The following SLC9A4 variants were observed in gnomAD, a reference collection of about 807,000 sequenced individuals.
SLC9A4 encodes the protein solute carrier family 9 member A4, also known as sodium/hydrogen exchanger 4.
SLC9A4 carries 63 observed loss-of-function variants against 67.4 expected under a neutral mutation model. The ratio of observed to expected loss-of-function variants is 0.93; its 90% CI spans 0.76 to 1.15. The LOEUF is 1.15. Ranked by LOEUF, SLC9A4 falls within the 50% of genes most tolerant of loss-of-function variation. The pLI, the probability that SLC9A4 is intolerant of heterozygous loss-of-function variation, is 0.00. For synonymous variants in SLC9A4, 393 were observed against 367.2 expected (o/e 1.07, Z -0.80); for missense variants, 1,089 against 987.7 (o/e 1.10, Z -1.38).
At chr2:102,474,847 T>C (rs766301705) in intron 1 of SLC9A4, among the ~76,000 whole-genome samples, 1 of 152,238 alleles carries the variant, frequency 6.6e-6, no homozygotes, top group Non-Finnish European at 1.5e-5. Flanking sequence ...GCTATTTGAG[T>C]ATGTAGATTG....
rs199784614 is a variant in SLC9A4 at position 102,532,615 on chromosome 2, C to A, written c.2324C>A (p.Ser775Ter). The change falls in exon 12 of 12, where the codon TCG (serine) becomes TAG (stop). Residue 775 changes from serine to a stop codon, truncating the protein, a stop_gained. Transcript: ENST00000295269. LOFTEE classifies it high-confidence loss of function. ...EGKASLVEVR[S>*]RWTADHGHGR... Reference sequence around the variant, plus strand: ...AAGGCCTCTTTGGTTGAGGTTCGGTCGAGGTGGACAGCTGACCATGGACAC... The same window carrying A: ...AAGGCCTCTTTGGTTGAGGTTCGGTAGAGGTGGACAGCTGACCATGGACAC... 2.5e-6 allele frequency: 4 copies of A among 1,613,818 alleles called. No individual in the cohort carries two copies. The highest frequency in any genetic ancestry group is 2.2e-5 in the East Asian group (1 of 44,872).
At chr2:102,521,745 T>A (rs1685424636) in intron 9 of SLC9A4, among the ~76,000 whole-genome samples, 2 of 152,194 alleles carry the variant, frequency 1.3e-5, no homozygotes, top group African/African-American at 4.8e-5. Context: ...ACAAAGGGTG[T>A]ACATTAGCCA....
intron 9 of SLC9A4, among the ~76,000 whole-genome samples, chr2:102,524,189 G>A (rs2104447962): frequency 6.6e-6 from 1 of 152,302 alleles, no homozygotes; most frequent in South Asian, 2.1e-4. Flanking sequence ...CCGTCACTTG[G>A]GAGGGAGAGC....
chr2:102,505,288 G>A lies in SLC9A4; in HGVS notation c.1015G>A (p.Val339Met), dbSNP rs769772564. The A allele has an allele frequency of 7.4e-6, 12 of 1,613,898 alleles. No homozygotes were observed. The highest frequency in any genetic ancestry group is 2.2e-5 in the East Asian group (1 of 44,888). ...TACAVTMKKY[V>M]EENVSQTSYT... ...CTGCGCAGTAACAATGAAAAAGTAC[G>A]TGGAAGAAAACGTGTCCCAGACATC... The change falls in exon 4 of 12, where the codon GTG becomes ATG. Residue 339 changes from valine (V) to methionine (M), a missense_variant. Physicochemically the swap from Val to Met is conservative, Grantham distance 21 (BLOSUM62 1). Coordinates refer to ENST00000295269, the MANE Select transcript of SLC9A4 (RefSeq NM_001011552.4).
rs185843902 is a variant in SLC9A4 at position 102,503,163 on chromosome 2, G to T, written c.721-285G>T. Reference sequence around the variant, plus strand: ...GAACACAAATGGAAGGGTTCATTTGGAGTCTAGAGGCAATAAATTAACTGC... The same window carrying T: ...GAACACAAATGGAAGGGTTCATTTGTAGTCTAGAGGCAATAAATTAACTGC... On this transcript the variant is annotated intron_variant, in intron 2 of 11. Coordinates refer to ENST00000295269, the MANE Select transcript of SLC9A4 (RefSeq NM_001011552.4). Among the ~76,000 whole-genome samples the T allele has an allele frequency of 5.3e-5, 8 of 152,314 alleles. No individual in the cohort carries two copies. The East Asian group carries it at 1.4e-3, about 26-fold the overall frequency.
In SLC9A4 at chr2:102,505,490, C is replaced by T. The variant is rs370042558; in HGVS notation, c.1198+19C>T. On this transcript the variant is annotated intron_variant, in intron 4 of 11. Coordinates refer to ENST00000295269, the MANE Select transcript of SLC9A4 (RefSeq NM_001011552.4). ...GCCATCAGTAAGAGACGGCAGGGCT[C>T]CAGAGTCTCCGGTCCTGCTGCATTT... 2.5e-6 allele frequency: 4 copies of T among 1,608,354 alleles called. No homozygotes were observed. In the African/African-American group the frequency reaches 5.3e-5, roughly 21 times the overall value.
chr2:102,484,334 C>T (rs537629461), intron 2 of SLC9A4, among the ~76,000 whole-genome samples: 42 of 152,208 alleles, frequency 2.8e-4, no homozygotes, highest in African/African-American at 8.9e-4. Flanking sequence ...CACATGCTAC[C>T]GATGAGGAGA....
intron 8 of SLC9A4, among the ~76,000 whole-genome samples, chr2:102,518,027 T>C (rs965909630): frequency 2.6e-5 from 4 of 152,210 alleles, no homozygotes; most frequent in African/African-American, 9.7e-5. Context: ...AAACTCCAGG[T>C]ATCACCTTGC....
chr2:102,527,348 C>A (rs534393129), intron 11 of SLC9A4, among the ~76,000 whole-genome samples: 2 of 152,196 alleles, frequency 1.3e-5, no homozygotes, highest in South Asian at 4.1e-4. Flanking sequence ...TTATAAATTG[C>A]CTAGTTCACT....
chr2:102,532,074 T>TG (rs1674788207), intron 11 of SLC9A4, among the ~76,000 whole-genome samples: 1 of 152,198 alleles, frequency 6.6e-6, no homozygotes, highest in Admixed American at 6.5e-5. Flanking sequence ...CTTACTTACC[T>TG]GGGGAGACTG....
chr2:102,508,047 C>T, intron 4 of SLC9A4, 32 bp from the exon 5 acceptor site: 1 of 1,602,854 alleles, frequency 6.2e-7, no homozygotes, highest in Non-Finnish European at 8.5e-7. Context: ...GTTCATGATC[C>T]TCTGCTCTAA....
rs757993605 is a variant in SLC9A4 at position 102,508,880 on chromosome 2, G to A, written c.1435G>A (p.Asp479Asn). 1.4e-5 allele frequency: 22 copies of A among 1,612,612 alleles called. No individual in the cohort carries two copies. The highest frequency in any genetic ancestry group is 5.4e-5 in the African/African-American group (4 of 74,732). ...ITVGPLVRYLDVKKTNKKESI... is the reference protein window; with the variant it reads ...ITVGPLVRYLNVKKTNKKESI... ...AGTTGGCCCTCTGGTCAGGTACCTG[G>A]ATGTTAAAAAAACCAATAAAAAAGA... is the stretch of plus-strand genomic sequence containing the variant. The change falls in exon 6 of 12, where the codon GAT becomes AAT. Residue 479 changes from aspartate to asparagine, a missense_variant. Physicochemically the swap from Asp to Asn is conservative, Grantham distance 23 (BLOSUM62 1). Coordinates refer to ENST00000295269, the MANE Select transcript of SLC9A4 (RefSeq NM_001011552.4).
chr2:102,531,340 C>A (rs1162601438), intron 11 of SLC9A4, among the ~76,000 whole-genome samples: 2 of 152,044 alleles, frequency 1.3e-5, no homozygotes, highest in Admixed American at 6.5e-5. Context: ...AGAAATATTC[C>A]TTTGAAGATG....
chr2:102,529,892 C>T (rs551137785), intron 11 of SLC9A4, among the ~76,000 whole-genome samples: 1 of 152,206 alleles, frequency 6.6e-6, no homozygotes, highest in Admixed American at 6.5e-5. Flanking sequence ...CTTTAGGGCT[C>T]ACTTGGTGTT....
intron 4 of SLC9A4, among the ~76,000 whole-genome samples, chr2:102,505,997 A>G (rs1266704286): frequency 6.6e-6 from 1 of 152,188 alleles, no homozygotes; most frequent in African/African-American, 2.4e-5. Flanking sequence ...ATCCCCCTAA[A>G]TAGTATAGGT....
chr2:102,497,988 T>C (rs917438833), intron 2 of SLC9A4, among the ~76,000 whole-genome samples: 2 of 152,214 alleles, frequency 1.3e-5, no homozygotes, highest in Non-Finnish European at 2.9e-5. Context: ...ATCATAATTA[T>C]TATAATGTTG....
intron 2 of SLC9A4, among the ~76,000 whole-genome samples, chr2:102,483,370 T>C (rs550507025): frequency 6.6e-6 from 1 of 152,280 alleles, no homozygotes; most frequent in Non-Finnish European, 1.5e-5. Flanking sequence ...CTAAGGGCCT[T>C]GACCTCACCC....
chr2:102,491,430 T>C (rs1465676867), intron 2 of SLC9A4, among the ~76,000 whole-genome samples: 1 of 147,288 alleles, frequency 6.8e-6, no homozygotes, highest in Non-Finnish European at 1.5e-5. Context: ...ACCACATAGT[T>C]GGGGAGGCTT....
intron 2 of SLC9A4, among the ~76,000 whole-genome samples, chr2:102,480,169 C>T (rs1345669521): frequency 6.6e-6 from 1 of 151,970 alleles, no homozygotes; most frequent in African/African-American, 2.4e-5. Context: ...CTTCTGCTTG[C>T]CCTCACCTCC....
Sources: gnomAD v4.1 joint callset for allele counts (sites outside exome capture counted in the v4.1 genomes callset) on GRCh38, gnomAD v4.1.1 for gene constraint, MANE v1.5 for transcripts, NCBI Gene and HGNC (gene_info 2026-07-23, HGNC 2026-07-21) for gene names.